The following SULT1C3 variants were observed in gnomAD, a reference collection of about 807,000 sequenced individuals.
The protein encoded by SULT1C3 is sulfotransferase family 1C member 3.
In SULT1C3, 31 loss-of-function variants were observed where a neutral mutation model predicts 28.4. That is an observed-to-expected ratio of 1.09 (90% CI 0.82 to 1.47). The LOEUF is 1.47. Among genes scored for constraint, SULT1C3 ranks in the 40% most tolerant of loss-of-function variants. The pLI is 0.00. For synonymous variants in SULT1C3, 106 were observed against 92.2 expected (o/e 1.15, Z -0.86); for missense variants, 307 against 272.5 (o/e 1.13, Z -0.89).
intron 1 of SULT1C3, among the ~76,000 whole-genome samples, chr2:108,246,312 A>G (rs1193910897): frequency 6.6e-6 from 1 of 152,154 alleles, no homozygotes; most frequent in African/African-American, 2.4e-5. Flanking sequence ...GTACAAATTT[A>G]TTGTATTAGT....
chr2:108,246,871 G>A (rs1234781764), intron 1 of SULT1C3, among the ~76,000 whole-genome samples: 1 of 152,158 alleles, frequency 6.6e-6, no homozygotes, highest in Admixed American at 6.5e-5. Context: ...GTTAGGTCAT[G>A]CAGCAGGAAA....
At chr2:108,256,475 C>A (rs529821547) in intron 5 of SULT1C3, among the ~76,000 whole-genome samples, 11 of 152,144 alleles carry the variant, frequency 7.2e-5, no homozygotes, top group African/African-American at 2.4e-4. Flanking sequence ...CTGCAGTGAG[C>A]AGAACCTAGA....
intron 2 of SULT1C3, among the ~76,000 whole-genome samples, chr2:108,251,550 C>A (rs1458330086): frequency 1.3e-5 from 2 of 151,854 alleles, no homozygotes; most frequent in Non-Finnish European, 2.9e-5. Flanking sequence ...GAGAAATCTG[C>A]CAAAAATGTT....
At chr2:108,264,760 A>G, downstream of SULT1C3, 1 of 1,483,566 alleles carries the variant, frequency 6.7e-7, no homozygotes, top group Non-Finnish European at 9.1e-7. Flanking sequence ...ATACTGTCCA[A>G]ATGGAACATC....
downstream of SULT1C3, among the ~76,000 whole-genome samples, chr2:108,262,854 A>C (rs1676053372): frequency 6.6e-6 from 1 of 152,154 alleles, no homozygotes. Context: ...GAGGAAGAGA[A>C]GTTTTATTTC....
intron 2 of SULT1C3, among the ~76,000 whole-genome samples, chr2:108,251,360 A>G (rs1482203267): frequency 6.6e-6 from 1 of 152,178 alleles, no homozygotes; most frequent in Admixed American, 6.6e-5. Context: ...GGCTGGTCAC[A>G]TGGTACTGAA....
At chr2:108,254,705 ATATATATGTATG>A (rs1675817808) in intron 4 of SULT1C3, among the ~76,000 whole-genome samples, 1 of 150,736 alleles carries the variant, frequency 6.6e-6, no homozygotes, top group Non-Finnish European at 1.5e-5. Context: ...GTGTGTGTAT[ATATATATGTATG>A]TATATATATG....
downstream of SULT1C3, chr2:108,264,861 C>G (rs1676096552): frequency 6.2e-7 from 1 of 1,613,098 alleles, no homozygotes; most frequent in South Asian, 1.1e-5. Context: ...ACTGAAGTTC[C>G]TGGAAAAAGA....
chr2:108,250,267 G>A (rs1313510014), intron 2 of SULT1C3, among the ~76,000 whole-genome samples: 1 of 151,834 alleles, frequency 6.6e-6, no homozygotes, highest in Non-Finnish European at 1.5e-5. Context: ...GGCAAAAGAT[G>A]TAAAAATGTA....
At chr2:108,240,618 T>C (rs909484334) in intron 1 of SULT1C3, among the ~76,000 whole-genome samples, 5 of 152,226 alleles carry the variant, frequency 3.3e-5, no homozygotes, top group African/African-American at 9.6e-5. Context: ...AGAACTAGCA[T>C]ATTGATTCAG....
At chr2:108,264,462 T>A (rs1676087219), downstream of SULT1C3, among the ~76,000 whole-genome samples, 1 of 152,186 alleles carries the variant, frequency 6.6e-6, no homozygotes, top group Admixed American at 6.5e-5. Context: ...TTGTTCCTCC[T>A]TCACACAGCC....
At chr2:108,257,696 G>C (rs557714945) in intron 5 of SULT1C3, among the ~76,000 whole-genome samples, 1 of 152,052 alleles carries the variant, frequency 6.6e-6, no homozygotes, top group Non-Finnish European at 1.5e-5. Flanking sequence ...TTCACTCACA[G>C]TGCCTAATAT....
chr2:108,264,540 G>A (rs976844004), downstream of SULT1C3, among the ~76,000 whole-genome samples: 20 of 152,046 alleles, frequency 1.3e-4, no homozygotes, highest in African/African-American at 4.6e-4. Context: ...CTGTCTGTAC[G>A]TAGGCAGCAT....
At chr2:108,264,799 G>A, downstream of SULT1C3, 1 of 1,585,056 alleles carries the variant, frequency 6.3e-7, no homozygotes. Flanking sequence ...AACATGATTT[G>A]TTTGGTGTGA....
At chr2:108,247,499 T>G (rs1388420319) in intron 2 of SULT1C3, 133 bp downstream of exon 2, 7 of 847,478 alleles carry the variant, frequency 8.3e-6, no homozygotes, top group Non-Finnish European at 1.2e-5. Context: ...TCTTTGGTGC[T>G]GCAGGACATT....
chr2:108,258,420 T>C (rs1162779607), intron 5 of SULT1C3, among the ~76,000 whole-genome samples: 6 of 152,090 alleles, frequency 3.9e-5, no homozygotes, highest in Non-Finnish European at 8.8e-5. Context: ...TACCCATTTA[T>C]AGGATGGCCT....
chr2:108,254,796 T>TGCATATATATGTATATATGTATGC (rs1558664929), intron 4 of SULT1C3, among the ~76,000 whole-genome samples: 5 of 133,870 alleles, frequency 3.7e-5, no homozygotes, highest in African/African-American at 8.4e-5. Flanking sequence ...TATATGTATG[T>TGCATATATATGTATATATGTATGC]ATGCATATAT....
At chr2:108,253,013 A>G (rs1388721377) in intron 3 of SULT1C3, among the ~76,000 whole-genome samples, 2 of 151,964 alleles carry the variant, frequency 1.3e-5, no homozygotes, top group African/African-American at 2.4e-5. Flanking sequence ...TTGTAAAAAA[A>G]TGGATGTAAT....
intron 1 of SULT1C3, among the ~76,000 whole-genome samples, chr2:108,242,027 G>A (rs545721866): frequency 6.6e-6 from 1 of 151,770 alleles, no homozygotes; most frequent in African/African-American, 2.4e-5. Flanking sequence ...CGCAAATAAA[G>A]TTTGACTTTT....
Sources: allele counts gnomAD v4.1 joint callset (sites outside exome capture counted in the v4.1 genomes callset), GRCh38; gene constraint gnomAD v4.1.1; transcripts MANE v1.5; gene names NCBI Gene and HGNC (gene_info 2026-07-23, HGNC 2026-07-21).